Variants in PROCR observed in about 807,000 individuals in gnomAD.
The protein encoded by PROCR is endothelial protein C receptor.
Under a neutral mutation model 24.2 loss-of-function variants are expected in PROCR, and 22 were observed. The ratio of observed to expected loss-of-function variants is 0.91; its 90% confidence interval spans 0.65 to 1.30. The LOEUF is 1.30. Among genes scored for constraint, PROCR ranks in the 50% most tolerant of loss-of-function variants. The probability of loss-of-function intolerance (pLI) is 0.00; values close to 1 mark genes in which losing one functional copy is unlikely to be tolerated. For synonymous variants in PROCR, 137 were observed against 139.2 expected (o/e 0.98, Z 0.11); for missense variants, 288 against 307.7 (o/e 0.94, Z 0.48).
At chr20:35,199,629 G>A (rs891248798) in intron 1 of PROCR, among the ~76,000 whole-genome samples, 1 of 151,874 alleles carries the variant, frequency 6.6e-6, no homozygotes, top group African/African-American at 2.4e-5. Flanking sequence ...GGCGCCTGTA[G>A]TCCCAGCTAC....
intron 1 of PROCR, among the ~76,000 whole-genome samples, chr20:35,194,359 T>A (rs2086198369): frequency 6.6e-6 from 1 of 152,198 alleles, no homozygotes; most frequent in Non-Finnish European, 1.5e-5. Context: ...AAGAAAAGTT[T>A]TTTCTCTTAA....
chr20:35,196,704 C>G (rs1317304560), intron 1 of PROCR, among the ~76,000 whole-genome samples: 2 of 152,136 alleles, frequency 1.3e-5, no homozygotes, highest in Non-Finnish European at 2.9e-5. Context: ...TCCAGAACAC[C>G]TGTTCTGAAA....
At chr20:35,194,031 TG>T (rs1291849005) in intron 1 of PROCR, among the ~76,000 whole-genome samples, 2 of 152,082 alleles carry the variant, frequency 1.3e-5, no homozygotes, top group Non-Finnish European at 1.5e-5. Context: ...AGAAGCCAGG[TG>T]AAAAAAGTGT....
At chr20:35,189,805 C>T (rs2086158448) in intron 1 of PROCR, among the ~76,000 whole-genome samples, 1 of 152,090 alleles carries the variant, frequency 6.6e-6, no homozygotes, top group Non-Finnish European at 1.5e-5. Context: ...CCCCCAATAC[C>T]CTTGTTCATC....
chr20:35,197,863 A>G (rs2060304393), intron 1 of PROCR, among the ~76,000 whole-genome samples: 1 of 151,734 alleles, frequency 6.6e-6, no homozygotes, highest in Admixed American at 6.6e-5. Flanking sequence ...TACATCTCTC[A>G]CTTTAAATCA....
At chr20:35,182,682 G>A (rs1037833602) in intron 1 of PROCR, among the ~76,000 whole-genome samples, 2 of 152,056 alleles carry the variant, frequency 1.3e-5, no homozygotes, top group Non-Finnish European at 2.9e-5. Context: ...AAATAAAAAT[G>A]TGATGTTATG....
chr20:35,201,240 C>A (rs6142324), intron 1 of PROCR, among the ~76,000 whole-genome samples: 1 of 150,646 alleles, frequency 6.6e-6, no homozygotes, highest in African/African-American at 2.4e-5. Flanking sequence ...TTCAAATAAT[C>A]CAAAATATAA....
intron 1 of PROCR, among the ~76,000 whole-genome samples, chr20:35,211,258 C>T (rs953191611): frequency 6.6e-6 from 1 of 152,200 alleles, no homozygotes; most frequent in African/African-American, 2.4e-5. Context: ...GTTCCTGGAA[C>T]CTGGCACTGA....
intron 3 of PROCR, 40 bp downstream of exon 3, chr20:35,176,486 G>T: frequency 6.2e-7 from 1 of 1,609,578 alleles, no homozygotes; most frequent in South Asian, 1.1e-5. Context: ...GCTGGGGAGA[G>T]GGCGGGTTCC....
chr20:35,197,090 T>C (rs963981222), intron 1 of PROCR, among the ~76,000 whole-genome samples: 1 of 152,220 alleles, frequency 6.6e-6, no homozygotes, highest in Admixed American at 6.5e-5. Flanking sequence ...CTGTCTCTTG[T>C]ATCACATTCT....
downstream of PROCR, among the ~76,000 whole-genome samples, chr20:35,180,652 G>T (rs1339576405): frequency 6.6e-6 from 1 of 152,040 alleles, no homozygotes; most frequent in East Asian, 1.9e-4. Context: ...CTCAGCCTCT[G>T]CTTCCAGATA....
At chr20:35,199,963 G>A (rs1228631940) in intron 1 of PROCR, among the ~76,000 whole-genome samples, 1 of 152,146 alleles carries the variant, frequency 6.6e-6, no homozygotes, top group African/African-American at 2.4e-5. Context: ...ACTTTGAGAG[G>A]TTCAAGTCTT....
At chr20:35,214,449 G>T (rs1202495774) in intron 1 of PROCR, among the ~76,000 whole-genome samples, 15 of 152,176 alleles carry the variant, frequency 9.9e-5, no homozygotes, top group Admixed American at 9.8e-4. Flanking sequence ...CACTTTGGGA[G>T]TCCAAGGCGG....
At chr20:35,187,197 T>C (rs2086135712) in intron 1 of PROCR, among the ~76,000 whole-genome samples, 1 of 150,042 alleles carries the variant, frequency 6.7e-6, no homozygotes, top group South Asian at 2.1e-4. Flanking sequence ...ACTACAGGCA[T>C]GCACCTCCAA....
intron 1 of PROCR, chr20:35,174,449 G>T: frequency 1.8e-6 from 1 of 550,164 alleles, no homozygotes; most frequent in South Asian, 2.0e-5. Flanking sequence ...GGGTGAAAAA[G>T]GAGGCAGAAA....
intron 1 of PROCR, among the ~76,000 whole-genome samples, chr20:35,206,063 G>C (rs1027711080): frequency 1.3e-5 from 2 of 151,096 alleles, no homozygotes; most frequent in Non-Finnish European, 2.9e-5. Flanking sequence ...GGTAGAGACA[G>C]GATTTTTGTA....
intron 1 of PROCR, among the ~76,000 whole-genome samples, chr20:35,192,610 A>T (rs2086183322): frequency 1.3e-5 from 2 of 152,172 alleles, no homozygotes; most frequent in Admixed American, 6.5e-5. Context: ...ATTAGGGCCT[A>T]CTGTTTTACT....
chr20:35,207,460 A>C (rs2060346890), intron 1 of PROCR, among the ~76,000 whole-genome samples: 1 of 151,632 alleles, frequency 6.6e-6, no homozygotes, highest in Non-Finnish European at 1.5e-5. Flanking sequence ...TATTACTATC[A>C]AGTCATATCT....
chr20:35,192,886 C>G (rs1157753208), intron 1 of PROCR, among the ~76,000 whole-genome samples: 2 of 151,996 alleles, frequency 1.3e-5, no homozygotes, highest in East Asian at 3.9e-4. Flanking sequence ...CAAACACCAT[C>G]AAGAATAGAA....
Sources: allele counts gnomAD v4.1 joint callset (sites outside exome capture counted in the v4.1 genomes callset), GRCh38; gene constraint gnomAD v4.1.1; transcripts MANE v1.5; gene names NCBI Gene and HGNC (gene_info 2026-07-23, HGNC 2026-07-21).